The following HELB variants were observed in gnomAD, a reference collection of about 807,000 sequenced individuals.
The protein encoded by HELB is DNA helicase B.
A neutral mutation model predicts 101.7 loss-of-function variants in HELB; 96 were observed. The observed-to-expected ratio is 0.94, with a 90% CI of 0.80 to 1.12. HELB has a LOEUF of 1.12. HELB is among the 50% of genes most tolerant of loss of function. The pLI is 0.00. For synonymous variants in HELB, 437 were observed against 459.7 expected (o/e 0.95, Z 0.63); for missense variants, 1,210 against 1,291.9 (o/e 0.94, Z 0.97).
chr12:66,313,881 C>G, intron 4 of HELB, 105 bp from the exon 5 acceptor site: 1 of 924,482 alleles, frequency 1.1e-6, no homozygotes, highest in Non-Finnish European at 1.8e-6. Flanking sequence ...TACTTCCCAC[C>G]CACCCCTGCC....
At chr12:66,335,817 A>C (rs572256600) in intron 12 of HELB, among the ~76,000 whole-genome samples, 1 of 152,172 alleles carries the variant, frequency 6.6e-6, no homozygotes, top group Non-Finnish European at 1.5e-5. Flanking sequence ...CGTTGGGTAT[A>C]TATAGCAGAG....
Position 66,314,138 on chromosome 12 carries a change from C to T in HELB, c.1833C>T (p.Ser611=). ...TCTTAAATTTATTGTGTGAGCACTC[C>T]AAACTTTCTAAGCTTATTATCCTTG... ...KSVLNLLCEH[S]KLSKLIILGD... is the part of the protein sequence containing the mutation. The change falls in exon 5 of 13, where the codon TCC becomes TCT. Residue 611 remains serine (S), a synonymous_variant. Coordinates refer to ENST00000247815, the MANE Select transcript of HELB (RefSeq NM_001370285.1). 1 of 1,613,360 alleles carries T rather than the reference C, an allele frequency of 6.2e-7. No homozygotes were observed. Among genetic ancestry groups the T allele is most frequent in the Non-Finnish European group, 8.5e-7 (1 of 1,179,446 alleles).
At chr12:66,323,194 T>C (rs1740745829) in intron 9 of HELB, among the ~76,000 whole-genome samples, 1 of 152,068 alleles carries the variant, frequency 6.6e-6, no homozygotes, top group Admixed American at 6.6e-5. Context: ...ACTGTGGTCA[T>C]ACATAGGAAA....
intron 11 of HELB, 152 bp downstream of exon 11, chr12:66,325,278 C>G: frequency 1.8e-6 from 1 of 548,400 alleles, no homozygotes; most frequent in Non-Finnish European, 3.2e-6. Flanking sequence ...AAGACGCCAC[C>G]CTTTTGCTCT....
intron 7 of HELB, among the ~76,000 whole-genome samples, chr12:66,319,297 T>G (rs1235635648): frequency 6.6e-6 from 1 of 152,218 alleles, no homozygotes; most frequent in Non-Finnish European, 1.5e-5. Flanking sequence ...CTTCTTATTA[T>G]GGATGTTAGG....
downstream of HELB, chr12:66,342,960 T>C (rs185470458): frequency 3.5e-3 from 531 of 152,328 alleles, 3 homozygotes; most frequent in Non-Finnish European, 5.5e-3. Context: ...CCTCCCAAAG[T>C]GCTGGCATTA....
At position 66,314,126 on chromosome 12, in the gene HELB, G is replaced by A; in HGVS notation, c.1821G>A (p.Leu607=). ...TCTTCAAATCGGTCTTAAATTTATT[G>A]TGTGAGCACTCCAAACTTTCTAAGC... ...VGIFKSVLNL[L]CEHSKLSKLI... The change falls in exon 5 of 13, where the codon TTG becomes TTA. Residue 607 remains leucine (L), a synonymous_variant. Transcript: ENST00000247815. The A allele has an allele frequency of 6.2e-7, 1 of 1,613,744 alleles. No individual in the cohort carries two copies.
At position 66,331,586 on chromosome 12, in the gene HELB, C is replaced by T. The variant is rs761753504; in HGVS notation, c.3103C>T (p.Arg1035Ter). 15 of 1,612,000 alleles carry T rather than the reference C, an allele frequency of 9.3e-6. No homozygotes were observed. In the East Asian group the frequency reaches 1.8e-4, roughly 19 times the overall value. Residue 1035 changes from arginine to a stop codon, truncating the protein, a stop_gained, in exon 12 of 13, where the codon CGA becomes TGA. Transcript: ENST00000247815. LOFTEE classifies it high-confidence loss of function. The part of the protein sequence containing the change: ...VDTDDDLPKS[R>*]ASKRTCGVND... Reference sequence around the variant, plus strand: ...TACAGATGATGATTTACCAAAATCGCGAGCATCCAAAAGAACCTGTGGTGT... The same window carrying T: ...TACAGATGATGATTTACCAAAATCGTGAGCATCCAAAAGAACCTGTGGTGT...
At position 66,310,578 on chromosome 12, in the gene HELB, A is replaced by C; in HGVS notation, c.1650A>C (p.Lys550Asn). 6.2e-7 allele frequency: 1 copy of C among 1,613,744 alleles called. No individual in the cohort carries two copies. Among genetic ancestry groups the C allele is most frequent in the Non-Finnish European group, 8.5e-7 (1 of 1,179,894 alleles). Residue 550 changes from lysine to asparagine, a missense_variant, in exon 4 of 13, where the codon AAA (lysine) becomes AAC (asparagine). By Grantham distance (94) the Lys-to-Asn change is moderately conservative. This residue lies in a region of HELB where 740 missense variants were observed against 728.8 expected (regional missense o/e 1.02). Coordinates refer to ENST00000247815, the MANE Select transcript of HELB (RefSeq NM_001370285.1). The part of the protein sequence containing the change: ...TGKAAGLLRQ[K>N]TGLHAYTLCQ... ...AAGCAGCTGGCTTACTAAGACAGAA[A>C]ACTGGTCTTCATGCCTACACACTGT...
chr12:66,315,401 G>A lies in HELB; in HGVS notation c.2000+18G>A. 1 of 1,486,054 alleles carries A rather than the reference G, an allele frequency of 6.7e-7. No homozygotes were observed. Among genetic ancestry groups the A allele is most frequent in the Non-Finnish European group, 9.0e-7 (1 of 1,113,782 alleles). 92.1% of individuals were successfully genotyped at this position (1,486,054 alleles called of 1,614,324 possible). A position where few individuals can be genotyped will look rare whatever the true frequency, so the allele number is the denominator to read the frequency against. On this transcript the variant is annotated intron_variant, in intron 6 of 12. Coordinates refer to ENST00000247815, the MANE Select transcript of HELB (RefSeq NM_001370285.1). ...GCTACAAGGTATAATATTACTAAGA[G>A]TTTGCATTTTCTGTCTGTTGTATTA... is the stretch of plus-strand genomic sequence containing the variant.
rs2053526722 is a variant in HELB at position 66,310,261 on chromosome 12, C to T, written c.1333C>T (p.Leu445=). The part of the protein sequence containing the change: ...EINAEISEVQ[L]DQDQVEVPLD... ...TAATGCAGAAATAAGTGAAGTTCAG[C>T]TGGATCAGGATCAGGTTGAAGTTCC... Residue 445 remains leucine (L), a synonymous_variant, in exon 4 of 13, where the codon CTG becomes TTG. Transcript: ENST00000247815. The T allele has an allele frequency of 6.2e-7, 1 of 1,614,082 alleles. No individual in the cohort carries two copies.
chr12:66,305,986 T>A (rs2136986682), intron 2 of HELB, among the ~76,000 whole-genome samples: 1 of 152,300 alleles, frequency 6.6e-6, no homozygotes, highest in African/African-American at 2.4e-5. Flanking sequence ...TTATAGAAAA[T>A]GATTATGAAG....
chr12:66,341,532 A>T (rs554303729), downstream of HELB: 1 of 152,312 alleles, frequency 6.6e-6, no homozygotes, highest in African/African-American at 2.4e-5. Flanking sequence ...CACAAAATGT[A>T]AGAATTCTTT....
chr12:66,302,555 C>T lies in HELB; in HGVS notation c.-49C>T, dbSNP rs776193041. ...AACTGATTGGCTGATCATGACCATGCAGTTAGCCAGGGTTTTCCCGAGTTG... is the reference window on the plus strand; with the variant it reads ...AACTGATTGGCTGATCATGACCATGTAGTTAGCCAGGGTTTTCCCGAGTTG... On this transcript the variant is annotated 5_prime_UTR_variant, in exon 1 of 13. It introduces an in-frame stop codon into an upstream open reading frame of the 5' UTR. Coordinates refer to ENST00000247815, the MANE Select transcript of HELB (RefSeq NM_001370285.1). The T allele has an allele frequency of 1.9e-6, 3 of 1,551,204 alleles. No homozygotes were observed. Among genetic ancestry groups the T allele is most frequent in the Non-Finnish European group, 2.7e-6 (3 of 1,127,546 alleles).
intron 12 of HELB, among the ~76,000 whole-genome samples, chr12:66,334,081 G>A (rs764074208): frequency 2.1e-4 from 32 of 152,060 alleles, no homozygotes; most frequent in Non-Finnish European, 4.4e-4. Context: ...GATCACTTGA[G>A]ACTGAGAGGT....
Position 66,323,916 on chromosome 12 carries a change from T to C in HELB, c.2298-67T>C, listed in dbSNP as rs560084826. 23 of 1,003,344 alleles carry C rather than the reference T, an allele frequency of 2.3e-5. No homozygotes were observed. The East Asian group carries it at 5.3e-4, about 23-fold the overall frequency. The allele number at this position is 1,003,344 out of a possible 1,614,324, so 62.2% of individuals were successfully genotyped here. On this transcript the variant is annotated intron_variant, in intron 9 of 12. Transcript: ENST00000247815. ...AATTGAAACGAGTCTGAGTAGTAGT[T>C]AATGTTTGAACAAGTGAAACGGAGA... is the stretch of plus-strand genomic sequence containing the variant.
In HELB at chr12:66,331,492, CTCT is replaced by C. The variant is rs760581197; in HGVS notation, c.3012_3014del (p.Ser1005del). ...CAAATGATGTCACCTGGAGCGAGGC[CTCT>C]TCGCCTGATGAGAGGACACTCACCT... is the stretch of plus-strand genomic sequence containing the variant. On this transcript the variant is annotated inframe_deletion, in exon 12 of 13. Transcript: ENST00000247815. 1.9e-6 allele frequency: 3 copies of C among 1,614,158 alleles called. No homozygotes were observed. Among genetic ancestry groups the C allele is most frequent in the Non-Finnish European group, 1.7e-6 (2 of 1,180,024 alleles).
At chr12:66,323,773 G>A (rs1284863006) in intron 9 of HELB, among the ~76,000 whole-genome samples, 3 of 152,216 alleles carry the variant, frequency 2.0e-5, no homozygotes, top group Non-Finnish European at 4.4e-5. Context: ...ATGTCATTGA[G>A]TTTGAGACGT....
chr12:66,318,735 G>A lies in HELB; in HGVS notation c.2098G>A (p.Val700Ile), dbSNP rs1448373110. The A allele has an allele frequency of 2.5e-6, 4 of 1,611,132 alleles. No homozygotes were observed. The African/African-American group carries it at 4.0e-5, about 16-fold the overall frequency. Residue 700 changes from valine (V) to isoleucine (I), a missense_variant, in exon 7 of 13, where the codon GTC becomes ATC. Physicochemically the swap from Val to Ile is conservative, Grantham distance 29. Coordinates refer to ENST00000247815, the MANE Select transcript of HELB (RefSeq NM_001370285.1). Reference sequence around the variant, plus strand: ...AATTCAAGATAAGACATTTATTTTTGTCAGGCTCCCAGAAGAGGATGCCAG... The same window carrying A: ...AATTCAAGATAAGACATTTATTTTTATCAGGCTCCCAGAAGAGGATGCCAG... ...ISIQDKTFIF[V>I]RLPEEDASSQ...
Sources: allele counts gnomAD v4.1 joint callset (sites outside exome capture counted in the v4.1 genomes callset), GRCh38; gene constraint gnomAD v4.1.1; regional missense constraint gnomAD v4.1.1; transcripts MANE v1.5; gene names NCBI Gene and HGNC (gene_info 2026-07-23, HGNC 2026-07-21).